BPTF: variants seen among roughly 807,000 people sequenced by gnomAD.
The protein encoded by BPTF is nucleosome-remodeling factor subunit BPTF.
A neutral mutation model predicts 292.5 loss-of-function variants in BPTF; 18 were observed. That is an observed-to-expected ratio of 0.06 (90% CI 0.04 to 0.09). The LOEUF is 0.09. Ranked by LOEUF, BPTF falls within the 10% of genes least tolerant of loss-of-function variation. The pLI, the probability that BPTF is intolerant of heterozygous loss-of-function variation, is 1.00. For synonymous variants in BPTF, 1,225 were observed against 1,251.9 expected (o/e 0.98, Z 0.45); for missense variants, 2,726 against 3,498.7 (o/e 0.78, Z 5.57).
At chr17:67,963,851 T>G (rs2067747468) in intron 24 of BPTF, among the ~76,000 whole-genome samples, 1 of 152,168 alleles carries the variant, frequency 6.6e-6, no homozygotes, top group South Asian at 2.1e-4. Context: ...AAACACTAAT[T>G]TGGGTACAAG....
At chr17:67,948,405 T>G in intron 23 of BPTF, 99 bp downstream of exon 23, 1 of 1,123,074 alleles carries the variant, frequency 8.9e-7, no homozygotes, top group Non-Finnish European at 1.2e-6. Flanking sequence ...TTTCAGTATG[T>G]TTTCTAGAAC....
Position 67,982,445 on chromosome 17 carries a change from C to A in BPTF, c.*157C>A. The A allele has an allele frequency of 1.9e-6, 1 of 520,934 alleles. No individual in the cohort carries two copies. The highest frequency in any genetic ancestry group is 3.2e-6 in the Non-Finnish European group (1 of 310,170). 32.3% of individuals were successfully genotyped at this position (520,934 alleles called of 1,614,324 possible). A position where few individuals can be genotyped will look rare whatever the true frequency, so the allele number is the denominator to read the frequency against. ...ATAACAGTCCAATTATATTCTTGGC[C>A]AATTTTGTCCAACGGACAAGAAAAA... is the stretch of plus-strand genomic sequence containing the variant. On this transcript the variant is annotated 3_prime_UTR_variant, in exon 28 of 28. Transcript: ENST00000306378.
chr17:67,921,162 A>G (rs1434223050), intron 13 of BPTF, among the ~76,000 whole-genome samples: 2 of 147,270 alleles, frequency 1.4e-5, no homozygotes, highest in African/African-American at 5.0e-5. Flanking sequence ...GTGAGCTGAG[A>G]TCACACCACT....
intron 4 of BPTF, among the ~76,000 whole-genome samples, chr17:67,881,533 G>A (rs1167128785): frequency 8.3e-6 from 1 of 119,972 alleles, no homozygotes; most frequent in South Asian, 2.6e-4. Context: ...ACAGAGTCTC[G>A]CTCTGTCACC....
chr17:67,966,772 T>C (rs185273809), intron 26 of BPTF, 116 bp downstream of exon 26: 3 of 911,814 alleles, frequency 3.3e-6, no homozygotes, highest in Admixed American at 3.5e-5. Flanking sequence ...TAAATTGGTA[T>C]GGTCACTTTG....
chr17:67,894,593 G>T (rs1391811248), intron 7 of BPTF, among the ~76,000 whole-genome samples: 1 of 152,154 alleles, frequency 6.6e-6, no homozygotes, highest in Non-Finnish European at 1.5e-5. Context: ...CTCCCAAAGT[G>T]CCGGGATTAC....
chr17:67,886,923 T>TA (rs1430376107), intron 4 of BPTF, among the ~76,000 whole-genome samples: 1 of 152,196 alleles, frequency 6.6e-6, no homozygotes, highest in Admixed American at 6.5e-5. Context: ...TTTTCATTAT[T>TA]ACAAATAGTG....
chr17:67,841,781 T>A (rs1020420829), intron 1 of BPTF, among the ~76,000 whole-genome samples: 10 of 152,276 alleles, frequency 6.6e-5, no homozygotes, highest in African/African-American at 2.2e-4. Context: ...TTAATGTGTT[T>A]TGGACCATTT....
chr17:67,862,571 TACTTGGGCTGCTTG>T (rs2059149148), intron 2 of BPTF, among the ~76,000 whole-genome samples: 1 of 152,188 alleles, frequency 6.6e-6, no homozygotes, highest in Admixed American at 6.5e-5. Context: ...TCCTAAGCAC[TACTTGGGCTGCTTG>T]ACCAAGAGCT....
chr17:67,934,644 C>A (rs898320021), intron 18 of BPTF, among the ~76,000 whole-genome samples: 2 of 150,916 alleles, frequency 1.3e-5, no homozygotes, highest in African/African-American at 4.9e-5. Context: ...GGGAGGCCGG[C>A]GGGTGGATCA....
In BPTF at chr17:67,940,629, T is replaced by A; in HGVS notation, c.6450T>A (p.Ala2150=). 6.2e-7 allele frequency: 1 copy of A among 1,614,164 alleles called. No individual in the cohort carries two copies. Among genetic ancestry groups the A allele is most frequent in the South Asian group, 1.1e-5 (1 of 91,084 alleles). The part of the protein sequence containing the change: ...PQQGQVKLTM[A]QLTQLTQGHG... ...AAGGACAAGTGAAGCTCACCATGGC[T>A]CAACTTACTCAGTTAACACAGGGCC... Residue 2150 remains alanine (A), a synonymous_variant, in exon 19 of 28, where the codon GCT becomes GCA. Transcript: ENST00000306378.
chr17:67,891,971 G>C lies in BPTF; in HGVS notation c.1992G>C (p.Leu664=), dbSNP rs1296383193. The change falls in exon 5 of 28, where the codon CTG becomes CTC. Residue 664 remains leucine, a synonymous_variant. Coordinates refer to ENST00000306378, the MANE Select transcript of BPTF (RefSeq NM_182641.4). The part of the protein sequence containing the change: ...LRNPDSKLSQ[L]KSQQVAAAAH... ...ATCCAGATAGCAAACTTAGTCAGCT[G>C]AAGAGCCAGCAGGTGGCAGCCGCTG... 6.2e-7 allele frequency: 1 copy of C among 1,611,460 alleles called. No individual in the cohort carries two copies. Among genetic ancestry groups the C allele is most frequent in the Admixed American group, 1.7e-5 (1 of 59,548 alleles).
In BPTF at chr17:67,897,933, T is replaced by C. The variant is rs894113131; in HGVS notation, c.2543+3768T>C. 2.0e-5 allele frequency among the ~76,000 whole-genome samples: 3 copies of C among 152,060 alleles called. No homozygotes were observed. In the East Asian group the frequency reaches 5.8e-4, roughly 29 times the overall value. On this transcript the variant is annotated intron_variant, in intron 7 of 27. Coordinates refer to ENST00000306378, the MANE Select transcript of BPTF (RefSeq NM_182641.4). ...TTATTAATAATTAATAGCAAATAGG[T>C]GTATCTATAAGAAATCTGAAAATAT...
At position 67,891,873 on chromosome 17, in the gene BPTF, G is replaced by C. The variant is rs1598459711; in HGVS notation, c.1894G>C (p.Gly632Arg). 6.2e-7 allele frequency: 1 copy of C among 1,606,126 alleles called. No homozygotes were observed. Among genetic ancestry groups the C allele is most frequent in the Non-Finnish European group, 8.5e-7 (1 of 1,176,852 alleles). Residue 632 changes from glycine (G) to arginine (R), a missense_variant, in exon 5 of 28, where the codon GGG (glycine) becomes CGG (arginine). Transcript: ENST00000306378. ...VGDFKSEKSN[G>R]ELSESPGAGK... ...TGATTTCAAATCGGAGAAGTCCAAC[G>C]GGGAGCTAAGTGAATCTCCTGGAGC...
At chr17:67,967,105 A>G (rs1454919985) in intron 26 of BPTF, among the ~76,000 whole-genome samples, 4 of 148,462 alleles carry the variant, frequency 2.7e-5, no homozygotes, top group Non-Finnish European at 5.9e-5. Flanking sequence ...TCAAAAAAAT[A>G]AATAAATAAA....
chr17:67,944,603 AGG>A, intron 20 of BPTF: 1 of 568,390 alleles, frequency 1.8e-6, no homozygotes, highest in Non-Finnish European at 3.1e-6. Context: ...AGAGAGAGAA[AGG>A]GGGCAAAAAT....
At chr17:67,978,174 G>C (rs1227055947) in intron 27 of BPTF, among the ~76,000 whole-genome samples, 2 of 151,508 alleles carry the variant, frequency 1.3e-5, no homozygotes, top group African/African-American at 4.8e-5. Flanking sequence ...TTTTTATTTA[G>C]GGACAGGGTC....
intron 15 of BPTF, 141 bp downstream of exon 15, chr17:67,924,730 T>G (rs921873082): frequency 1.2e-6 from 1 of 806,442 alleles, no homozygotes; most frequent in East Asian, 2.5e-5. Context: ...GCCAAATTCA[T>G]GCACACCCAT....
chr17:67,831,601 T>A (rs1239050683), intron 1 of BPTF, among the ~76,000 whole-genome samples: 2 of 152,202 alleles, frequency 1.3e-5, no homozygotes, highest in Admixed American at 6.5e-5. Context: ...GGTCCTCCTT[T>A]CCTCTTTCCT....
Sources: gnomAD v4.1 joint callset for allele counts (sites outside exome capture counted in the v4.1 genomes callset) on GRCh38, gnomAD v4.1.1 for gene constraint, MANE v1.5 for transcripts, NCBI Gene and HGNC (gene_info 2026-07-23, HGNC 2026-07-21) for gene names.